The following TAL1 variants were observed in gnomAD, a reference collection of about 807,000 sequenced individuals.
TAL1 encodes TAL bHLH transcription factor 1, erythroid differentiation factor.
TAL1 carries 8 observed loss-of-function variants against 17.9 expected under a neutral mutation model. The observed-to-expected ratio is 0.45, with a 90% CI of 0.26 to 0.81. The LOEUF (loss-of-function observed/expected upper bound fraction) is 0.81, where lower values mean the gene tolerates loss of function less well. Among genes scored for constraint, TAL1 ranks in the 30% least tolerant of loss-of-function variants. TAL1 has a pLI of 0.17. For missense variants in TAL1, 466 were observed against 486.9 expected, an observed-to-expected ratio of 0.96 and a Z score of 0.40; for synonymous variants, 223 against 218.6, an observed-to-expected ratio of 1.02 and a Z score of -0.18.
At position 47,219,894 on chromosome 1, in the gene TAL1, G is replaced by GCC; in HGVS notation, c.820_821dup (p.Pro276ArgfsTer170). The GCC allele has an allele frequency of 3.9e-6, 6 of 1,555,988 alleles. No individual in the cohort carries two copies. The highest frequency in any genetic ancestry group is 4.3e-6 in the Non-Finnish European group (5 of 1,149,540). On this transcript the variant is annotated frameshift_variant, in exon 4 of 4. Coordinates refer to ENST00000294339, the Ensembl canonical transcript of TAL1. LOFTEE classifies it high-confidence loss of function. ...CTTGCAGGAGGTCATCTGGGGGCGC[G>GCC]CCGCCCCCTCCCCCACCTCCACCCC... is the stretch of plus-strand genomic sequence containing the variant.
chr1:47,226,722 G>A (rs1044109697), intron 1 of TAL1, among the ~76,000 whole-genome samples: 4 of 152,196 alleles, frequency 2.6e-5, no homozygotes, highest in South Asian at 2.1e-4. Flanking sequence ...TGCTCAGCTG[G>A]ACTCTGAAGT....
At chr1:47,221,249 T>C (rs1284491132) in intron 3 of TAL1, among the ~76,000 whole-genome samples, 3 of 152,182 alleles carry the variant, frequency 2.0e-5, no homozygotes, top group Admixed American at 6.5e-5. Context: ...AGGGCTCTCA[T>C]ACCCAGGAGA....
At chr1:47,223,512 T>C (rs1273725305) in intron 3 of TAL1, 3 of 154,168 alleles carry the variant, frequency 1.9e-5, no homozygotes, top group Admixed American at 6.4e-5. Flanking sequence ...GCCTACTGTG[T>C]AGGGACCTCG....
chr1:47,230,795 A>G (rs564628329), upstream of TAL1: 3 of 152,330 alleles, frequency 2.0e-5, no homozygotes, highest in Admixed American at 6.5e-5. Flanking sequence ...AATTGACAAA[A>G]CAAAATTCTT....
chr1:47,225,947 C>A (rs1373143737), intron 1 of TAL1, 58 bp from the exon 3 acceptor site: 2 of 1,521,344 alleles, frequency 1.3e-6, no homozygotes, highest in Non-Finnish European at 1.8e-6. Context: ...CCTGACCCAC[C>A]GACGTGGGCT....
chr1:47,231,471 A>T (rs188078900), upstream of TAL1, among the ~76,000 whole-genome samples: 1 of 151,672 alleles, frequency 6.6e-6, no homozygotes, highest in Non-Finnish European at 1.5e-5. Context: ...CAGCAAACAA[A>T]CACCACCTAG....
exon 4 of TAL1, chr1:47,219,731 C>T (rs747500208): frequency 1.9e-6 from 3 of 1,609,672 alleles, no homozygotes; most frequent in Admixed American, 1.7e-5. Context: ...CACCGAGGGC[C>T]GGCTCCATCG....
chr1:47,227,114 A>C (rs2250380), intron 1 of TAL1: 140,454 of 152,174 alleles, frequency 0.92, 65,249 homozygotes, highest in African/African-American at 0.98. Flanking sequence ...CCACCTTGTG[A>C]CCCCACAAGC....
At chr1:47,232,280 C>T (rs1644029349), upstream of TAL1, 1 of 163,942 alleles carries the variant, frequency 6.1e-6, no homozygotes. Context: ...CCCGCCCGGC[C>T]CCTCCACCGA....
intron 1 of TAL1, 161 bp from the exon 3 acceptor site, chr1:47,226,050 A>T: frequency 9.3e-6 from 2 of 216,204 alleles, no homozygotes; most frequent in Non-Finnish European, 8.2e-6. Context: ...CTAGGGCGGG[A>T]GGCCGGTTGG....
Position 47,224,030 on chromosome 1 carries a change from G to T in TAL1, c.515C>A (p.Ser172Tyr), listed in dbSNP as rs369207599. Residue 172 changes from serine (S) to tyrosine (Y), a missense_variant, in exon 3 of 4, where the codon TCC (serine) becomes TAC (tyrosine). This residue lies in a region of TAL1 where 158 missense variants were observed against 151.7 expected (regional missense o/e 1.04). Coordinates refer to ENST00000294339, the Ensembl canonical transcript of TAL1. ...ATCAGTAATCTCCATCTCATAGGGG[G>T]AAGGTCTCCTCTTCACTCGATTGTT... 1 of 1,613,902 alleles carries T rather than the reference G, an allele frequency of 6.2e-7. No homozygotes were observed. The highest frequency in any genetic ancestry group is 2.2e-5 in the East Asian group (1 of 44,866).
exon 4 of TAL1, chr1:47,219,107 C>T (rs962715685): frequency 5.7e-6 from 2 of 350,780 alleles, no homozygotes; most frequent in Non-Finnish European, 1.1e-5. Flanking sequence ...TCCTGACCCT[C>T]CGGCCCAGCT....
At chr1:47,219,679 C>G (rs1645571493) in exon 4 of TAL1, 1 of 1,602,958 alleles carries the variant, frequency 6.2e-7, no homozygotes, top group Non-Finnish European at 8.5e-7. Flanking sequence ...TCCCAGCAGC[C>G]TAAGAACGCC....
chr1:47,228,815 A>G (rs1643954538), intron 1 of TAL1: 1 of 157,556 alleles, frequency 6.3e-6, no homozygotes. Context: ...GGCCCACTCG[A>G]GCTGGGACTG....
At chr1:47,224,402 GAACACA>G (rs1388432737) in intron 2 of TAL1, among the ~76,000 whole-genome samples, 3 of 60,214 alleles carry the variant, frequency 5.0e-5, no homozygotes, top group African/African-American at 2.4e-4. Flanking sequence ...ACACAAAAAT[GAACACA>G]CACACACACA....
exon 2 of TAL1, chr1:47,225,704 C>T (rs1471103829): frequency 6.9e-6 from 10 of 1,445,654 alleles, no homozygotes; most frequent in African/African-American, 3.0e-5. Flanking sequence ...GGCAGGGCCG[C>T]CCCCCGGGCC....
exon 4 of TAL1, chr1:47,219,132 T>C: frequency 4.9e-6 from 2 of 410,650 alleles, no homozygotes; most frequent in Non-Finnish European, 9.2e-6. Flanking sequence ...TAGAGCAGAC[T>C]GTCCACTGAT....
chr1:47,227,306 T>C (rs745771534), intron 1 of TAL1: 6 of 152,210 alleles, frequency 3.9e-5, no homozygotes, highest in Non-Finnish European at 5.9e-5. Context: ...ACATAAGTTG[T>C]TTAAAATAAG....
upstream of TAL1, among the ~76,000 whole-genome samples, chr1:47,231,394 G>GACACAGGC (rs1159292115): frequency 2.0e-5 from 3 of 147,506 alleles, no homozygotes; most frequent in Non-Finnish European, 4.4e-5. Context: ...ACCTCTAAAG[G>GACACAGGC]ACACAGGCAC....
Sources: allele counts gnomAD v4.1 joint callset (sites outside exome capture counted in the v4.1 genomes callset), GRCh38; gene constraint gnomAD v4.1.1; regional missense constraint gnomAD v4.1.1; transcripts MANE v1.5; gene names NCBI Gene and HGNC (gene_info 2026-07-23, HGNC 2026-07-21).